The following PRDM5 variants were observed in gnomAD, a reference collection of about 807,000 sequenced individuals.
PRDM5 encodes PR/SET domain 5, also known as PR domain zinc finger protein 5.
A neutral mutation model predicts 81.2 loss-of-function variants in PRDM5; 56 were observed. The ratio of observed to expected loss-of-function variants is 0.69; its 90% CI spans 0.56 to 0.86. The LOEUF is 0.86. Ranked by LOEUF, PRDM5 falls within the 40% of genes least tolerant of loss-of-function variation. The probability of loss-of-function intolerance (pLI) is 0.00; values close to 1 mark genes in which losing one functional copy is unlikely to be tolerated. For missense variants in PRDM5, 697 were observed against 770.1 expected (o/e 0.91, Z 1.12); for synonymous variants, 267 against 256.4 (o/e 1.04, Z -0.39).
chr4:120,861,238 C>A (rs1329481569), intron 2 of PRDM5, among the ~76,000 whole-genome samples: 1 of 152,112 alleles, frequency 6.6e-6, no homozygotes, highest in Non-Finnish European at 1.5e-5. Flanking sequence ...AAACTCCTGA[C>A]CTCAAGTGAT....
At chr4:120,875,331 A>G (rs1268337282) in intron 2 of PRDM5, among the ~76,000 whole-genome samples, 1 of 152,214 alleles carries the variant, frequency 6.6e-6, no homozygotes, top group Non-Finnish European at 1.5e-5. Flanking sequence ...TGCCTGGAGC[A>G]CTGTGCTGAG....
intron 13 of PRDM5, among the ~76,000 whole-genome samples, chr4:120,759,590 C>T (rs1056447471): frequency 1.3e-5 from 2 of 152,216 alleles, no homozygotes; most frequent in African/African-American, 4.8e-5. Flanking sequence ...TTTCAAATTA[C>T]TGTGAAGAAT....
At chr4:120,727,941 G>GA (rs559287282) in intron 14 of PRDM5, among the ~76,000 whole-genome samples, 223 of 115,720 alleles carry the variant, frequency 1.9e-3, no homozygotes, top group Admixed American at 2.4e-3. Flanking sequence ...ATCTCAGTAA[G>GA]AAAAAAAAAA....
At chr4:120,920,733 G>A (rs562595030) in intron 1 of PRDM5, among the ~76,000 whole-genome samples, 1 of 152,280 alleles carries the variant, frequency 6.6e-6, no homozygotes, top group African/African-American at 2.4e-5. Context: ...GCAAACATCT[G>A]CACATTCACT....
intron 7 of PRDM5, among the ~76,000 whole-genome samples, chr4:120,812,377 T>C (rs900217002): frequency 6.6e-6 from 1 of 152,174 alleles, no homozygotes; most frequent in African/African-American, 2.4e-5. Flanking sequence ...CTGTACTAAT[T>C]TGCATTCCCA....
At chr4:120,825,884 A>G (rs1185821225) in intron 3 of PRDM5, among the ~76,000 whole-genome samples, 1 of 152,096 alleles carries the variant, frequency 6.6e-6, no homozygotes, top group Non-Finnish European at 1.5e-5. Context: ...CCAACCATGA[A>G]GTCTGCCTGC....
intron 11 of PRDM5, among the ~76,000 whole-genome samples, chr4:120,782,304 A>G (rs1247257531): frequency 6.6e-6 from 1 of 152,166 alleles, no homozygotes; most frequent in Admixed American, 6.6e-5. Flanking sequence ...AACAAGGCAA[A>G]ATTAAGAATA....
chr4:120,756,006 C>G (rs1744686270), intron 13 of PRDM5, among the ~76,000 whole-genome samples: 1 of 152,144 alleles, frequency 6.6e-6, no homozygotes, highest in Non-Finnish European at 1.5e-5. Context: ...AATGAGCTAT[C>G]CAGACTTACC....
chr4:120,854,691 C>T (rs779083422), intron 2 of PRDM5, among the ~76,000 whole-genome samples: 5 of 151,872 alleles, frequency 3.3e-5, no homozygotes, highest in Admixed American at 6.6e-5. Context: ...AATATAATTT[C>T]GTGTAAAGAT....
chr4:120,831,820 T>C (rs1318227661), intron 3 of PRDM5, among the ~76,000 whole-genome samples: 4 of 152,262 alleles, frequency 2.6e-5, no homozygotes, highest in Admixed American at 2.6e-4. Flanking sequence ...TATAGATTTA[T>C]AAAACTTAAG....
chr4:120,882,215 T>C (rs1762917443), intron 2 of PRDM5, among the ~76,000 whole-genome samples: 1 of 152,208 alleles, frequency 6.6e-6, no homozygotes, highest in South Asian at 2.1e-4. Flanking sequence ...AGGAAGCATA[T>C]GGCTTCATTG....
chr4:120,747,708 A>G (rs1743346941), intron 14 of PRDM5, among the ~76,000 whole-genome samples: 1 of 152,230 alleles, frequency 6.6e-6, no homozygotes, highest in Admixed American at 6.5e-5. Flanking sequence ...AAAGAAAATT[A>G]ATAAAATATA....
intron 2 of PRDM5, among the ~76,000 whole-genome samples, chr4:120,886,939 TTC>T (rs1763501153): frequency 6.7e-6 from 1 of 150,074 alleles, no homozygotes; most frequent in Non-Finnish European, 1.5e-5. Context: ...TTCTTGACTC[TTC>T]TCTTTCTTTT....
chr4:120,766,161 C>T (rs925475124), intron 13 of PRDM5, among the ~76,000 whole-genome samples: 12 of 151,900 alleles, frequency 7.9e-5, no homozygotes, highest in African/African-American at 2.9e-4. Flanking sequence ...GGTTTCACCA[C>T]GTTGGCCAGA....
intron 13 of PRDM5, among the ~76,000 whole-genome samples, chr4:120,773,523 A>G (rs1294996392): frequency 6.6e-6 from 1 of 152,236 alleles, no homozygotes; most frequent in Non-Finnish European, 1.5e-5. Flanking sequence ...TACCTGTAAC[A>G]TGATGATGTT....
At chr4:120,809,914 A>G (rs1224749718) in intron 8 of PRDM5, among the ~76,000 whole-genome samples, 1 of 152,166 alleles carries the variant, frequency 6.6e-6, no homozygotes, top group African/African-American at 2.4e-5. Flanking sequence ...TTCCATTACC[A>G]TCACATAGGA....
intron 15 of PRDM5, among the ~76,000 whole-genome samples, chr4:120,702,703 C>A (rs1735560779): frequency 6.6e-6 from 1 of 152,108 alleles, no homozygotes. Flanking sequence ...AAGAAAGTAT[C>A]AATGGAGAGT....
intron 8 of PRDM5, among the ~76,000 whole-genome samples, chr4:120,801,404 T>C (rs1388031524): frequency 6.6e-6 from 1 of 152,210 alleles, no homozygotes; most frequent in Non-Finnish European, 1.5e-5. Flanking sequence ...ATCCCAGGCC[T>C]GCAGCCCACG....
At chr4:120,815,728 G>A (rs989645159) in intron 7 of PRDM5, among the ~76,000 whole-genome samples, 8 of 152,056 alleles carry the variant, frequency 5.3e-5, no homozygotes, top group African/African-American at 7.3e-5. Flanking sequence ...GAACACACAG[G>A]GTTTCATAAA....
Sources: gnomAD v4.1 joint callset for allele counts (sites outside exome capture counted in the v4.1 genomes callset) on GRCh38, gnomAD v4.1.1 for gene constraint, MANE v1.5 for transcripts, NCBI Gene and HGNC (gene_info 2026-07-23, HGNC 2026-07-21) for gene names.